The following PLA2G4F variants were observed in gnomAD, a reference collection of about 807,000 sequenced individuals.
PLA2G4F encodes the protein cytosolic phospholipase A2 zeta.
Under a neutral mutation model 103.1 loss-of-function variants are expected in PLA2G4F, and 105 were observed. That is an observed-to-expected ratio of 1.02 (90% CI 0.87 to 1.20). PLA2G4F has a LOEUF of 1.20. Among genes scored for constraint, PLA2G4F ranks in the 50% most tolerant of loss-of-function variants. PLA2G4F has a pLI of 0.00. For missense variants in PLA2G4F, 1,155 were observed against 1,075.9 expected (o/e 1.07, Z -1.03); for synonymous variants, 468 against 441.1 (o/e 1.06, Z -0.76).
intron 2 of PLA2G4F, 66 bp downstream of exon 2, chr15:42,155,451 C>A: frequency 1.3e-6 from 2 of 1,539,352 alleles, no homozygotes; most frequent in Non-Finnish European, 1.8e-6. Flanking sequence ...GTTAGCCAGC[C>A]TGAGCTGAGC....
At chr15:42,152,840 T>G in intron 6 of PLA2G4F, 86 bp from the exon 7 acceptor site, 1 of 1,314,326 alleles carries the variant, frequency 7.6e-7, no homozygotes, top group Non-Finnish European at 1.0e-6. Context: ...GGGCAGGGTC[T>G]GGGAAACAGC....
chr15:42,144,577 C>T lies in PLA2G4F; in HGVS notation c.1848G>A (p.Gly616=), dbSNP rs201766447. 1.2e-6 allele frequency: 2 copies of T among 1,613,240 alleles called. No individual in the cohort carries two copies. Among genetic ancestry groups the T allele is most frequent in the Admixed American group, 1.7e-5 (1 of 59,992 alleles). ...TGTCCAGCACAGCCTGGGAGAAGGGCCCCTGTGGGGTGAGGAGCCTCGTTC... is the reference window on the plus strand; with the variant it reads ...TGTCCAGCACAGCCTGGGAGAAGGGTCCCTGTGGGGTGAGGAGCCTCGTTC... ...RLRTRLLTPQ[G]PFSQAVLDIF... Residue 616 remains glycine (G), a synonymous_variant, in exon 17 of 20, where the codon GGG becomes GGA. Transcript: ENST00000397272.
intron 6 of PLA2G4F, 73 bp from the exon 7 acceptor site, chr15:42,152,827 C>T: frequency 1.4e-6 from 2 of 1,428,224 alleles, no homozygotes; most frequent in Non-Finnish European, 1.9e-6. Flanking sequence ...GGAGGAGTGC[C>T]TAGGGCAGGG....
At chr15:42,148,819 C>T (rs978611048) in intron 11 of PLA2G4F, 23 of 985,280 alleles carry the variant, frequency 2.3e-5, no homozygotes, top group African/African-American at 2.1e-4. Context: ...GTTCTCTTTT[C>T]GTCTCCTGTC....
Position 42,141,355 on chromosome 15 carries a change from C to A in PLA2G4F, c.*629G>T. ...GAGCAGCCAGAATGGGACATCACCC[C>A]ACAGGCTTTAGGGCGCTGGGAAGAG... On this transcript the variant is annotated 3_prime_UTR_variant, in exon 20 of 20. Coordinates refer to ENST00000397272, the MANE Select transcript of PLA2G4F (RefSeq NM_213600.4). The A allele has an allele frequency of 2.2e-6, 1 of 456,708 alleles. No individual in the cohort carries two copies. The highest frequency in any genetic ancestry group is 1.5e-5 in the South Asian group (1 of 64,560). The allele number at this position is 456,708 out of a possible 1,614,324, so 28.3% of individuals were successfully genotyped here.
Position 42,142,156 on chromosome 15 carries a change from A to G in PLA2G4F, c.2378T>C (p.Ile793Thr). 2 of 1,614,126 alleles carry G rather than the reference A, an allele frequency of 1.2e-6. No individual in the cohort carries two copies. The highest frequency in any genetic ancestry group is 1.7e-6 in the Non-Finnish European group (2 of 1,179,998). ...AEEKAFGDFV[I>T]NRPDTPYGMM... ...GCCATAGGGGGTGTCTGGCCTGTTG[A>G]TGACAAAGTCCCCAAAGGCCTTCTC... Residue 793 changes from isoleucine (I) to threonine (T), a missense_variant, in exon 20 of 20, where the codon ATC becomes ACC. Transcript: ENST00000397272.
intron 2 of PLA2G4F, 32 bp from the exon 3 acceptor site, chr15:42,154,490 C>T: frequency 1.3e-6 from 2 of 1,524,238 alleles, no homozygotes; most frequent in South Asian, 2.6e-5. Context: ...GCCGGGGCCT[C>T]AAGCTCTCAT....
At chr15:42,147,916 C>T (rs1160935727) in intron 11 of PLA2G4F, 154 bp from the exon 12 acceptor site, 2 of 1,211,592 alleles carry the variant, frequency 1.7e-6, no homozygotes, top group African/African-American at 1.5e-5. Context: ...TTCAGCCAGG[C>T]ACAGTGGCTC....
intron 6 of PLA2G4F, among the ~76,000 whole-genome samples, chr15:42,153,035 T>C (rs978081297): frequency 2.0e-5 from 3 of 152,164 alleles, no homozygotes; most frequent in African/African-American, 4.8e-5. Flanking sequence ...TGAGGGGCCA[T>C]GACAGTGGCT....
At chr15:42,149,939 A>G (rs1304933515) in intron 10 of PLA2G4F, 91 bp from the exon 11 acceptor site, 1 of 1,538,918 alleles carries the variant, frequency 6.5e-7, no homozygotes, top group African/African-American at 1.4e-5. Flanking sequence ...CTTTCACAGG[A>G]GCAGGTCCAA....
Position 42,142,191 on chromosome 15 carries a change from T to C in PLA2G4F, c.2343A>G (p.Gln781=). The C allele has an allele frequency of 6.2e-7, 1 of 1,612,434 alleles. No individual in the cohort carries two copies. Among genetic ancestry groups the C allele is most frequent in the Non-Finnish European group, 8.5e-7 (1 of 1,179,080 alleles). Residue 781 remains glutamine (Q), a synonymous_variant, in exon 20 of 20, where the codon CAA becomes CAG. Transcript: ENST00000397272. Reference sequence around the variant, plus strand: ...CCCCAAAGGCCTTCTCCTCAGCTGTTTGTCGCTCCACACCTGTGGGTGGGG... The same window carrying C: ...CCCCAAAGGCCTTCTCCTCAGCTGTCTGTCGCTCCACACCTGTGGGTGGGG... ...RTHLAPGVER[Q]TAEEKAFGDF...
In PLA2G4F at chr15:42,142,161, A is replaced by G. The variant is rs750004767; in HGVS notation, c.2373T>C (p.Phe791=). The change falls in exon 20 of 20, where the codon TTT becomes TTC. Residue 791 remains phenylalanine (F), a synonymous_variant. Transcript: ENST00000397272. Reference sequence around the variant, plus strand: ...AGGGGGTGTCTGGCCTGTTGATGACAAAGTCCCCAAAGGCCTTCTCCTCAG... The same window carrying G: ...AGGGGGTGTCTGGCCTGTTGATGACGAAGTCCCCAAAGGCCTTCTCCTCAG... ...QTAEEKAFGD[F]VINRPDTPYG... The G allele has an allele frequency of 1.2e-6, 2 of 1,614,080 alleles. No homozygotes were observed. The highest frequency in any genetic ancestry group is 1.7e-6 in the Non-Finnish European group (2 of 1,179,964).
Position 42,150,758 on chromosome 15 carries a change from C to T in PLA2G4F, c.621G>A (p.Leu207=). 6.2e-7 allele frequency: 1 copy of T among 1,608,826 alleles called. No individual in the cohort carries two copies. Residue 207 remains leucine (L), a synonymous_variant, in exon 8 of 20, where the codon CTG becomes CTA. Transcript: ENST00000397272. ...REEYGSRQLQ[L]AVPGAYEKPQ... ...GCTTCTCGTAGGCTCCAGGCACTGC[C>T]AGCTGGAGCTGCCTAGAGCCTGAGA... is the stretch of plus-strand genomic sequence containing the variant.
chr15:42,142,910 G>A (rs990095347), intron 18 of PLA2G4F, among the ~76,000 whole-genome samples, 196 bp from the exon 19 acceptor site: 1 of 152,084 alleles, frequency 6.6e-6, no homozygotes, highest in Admixed American at 6.5e-5. Context: ...GCCGGGCATG[G>A]TGGCTCATGC....
intron 11 of PLA2G4F, among the ~76,000 whole-genome samples, chr15:42,148,106 C>T (rs1467663969): frequency 1.3e-5 from 2 of 148,608 alleles, no homozygotes; most frequent in African/African-American, 5.0e-5. Context: ...GGCGTGAACC[C>T]AGGAGGCGGA....
chr15:42,154,632 T>G, intron 2 of PLA2G4F, 174 bp from the exon 3 acceptor site: 1 of 626,894 alleles, frequency 1.6e-6, no homozygotes, highest in Non-Finnish European at 2.5e-6. Context: ...TCCATCTTGA[T>G]TCCACACACC....
chr15:42,145,080 T>C (rs886164399), intron 16 of PLA2G4F, among the ~76,000 whole-genome samples: 3 of 152,092 alleles, frequency 2.0e-5, no homozygotes, highest in African/African-American at 7.2e-5. Context: ...GAATAAATGA[T>C]GACAATGCTC....
chr15:42,152,221 G>A (rs1428413429), intron 7 of PLA2G4F, among the ~76,000 whole-genome samples: 2 of 152,204 alleles, frequency 1.3e-5, no homozygotes, highest in Non-Finnish European at 2.9e-5. Context: ...ACCCTGTTTT[G>A]GCCAATAACA....
rs1371446104 is a variant in PLA2G4F, at chr15:42,147,146, A to G, written c.1397T>C (p.Val466Ala). ...VSLIDLWGLL[V>A]EYLLYQEENP... ...CACCTCCTGGTACAGGAGATACTCA[A>G]CAAGGAGGCCCCAGAGGTCGATGAG... Residue 466 changes from valine to alanine, a missense_variant, in exon 13 of 20, where the codon GTT becomes GCT. Val to Ala is a moderately conservative substitution (Grantham distance 64). Coordinates refer to ENST00000397272, the MANE Select transcript of PLA2G4F (RefSeq NM_213600.4). The G allele has an allele frequency of 3.1e-6, 5 of 1,612,616 alleles. No individual in the cohort carries two copies. Among genetic ancestry groups the G allele is most frequent in the African/African-American group, 2.7e-5 (2 of 74,998 alleles).
Sources: gnomAD v4.1 joint callset for allele counts (sites outside exome capture counted in the v4.1 genomes callset) on GRCh38, gnomAD v4.1.1 for gene constraint, MANE v1.5 for transcripts, NCBI Gene and HGNC (gene_info 2026-07-23, HGNC 2026-07-21) for gene names.